Variants in EHBP1 observed in about 807,000 individuals in gnomAD.
EHBP1 encodes EH domain binding protein 1.
EHBP1 carries 55 observed loss-of-function variants against 144.0 expected under a neutral mutation model. The observed-to-expected ratio is 0.38, with a 90% CI of 0.31 to 0.48. The LOEUF (loss-of-function observed/expected upper bound fraction) is 0.48, where lower values mean the gene tolerates loss of function less well. EHBP1 is among the 20% of genes least tolerant of loss of function. EHBP1 has a pLI of 0.98. For synonymous variants in EHBP1, 469 were observed against 472.7 expected (o/e 0.99, Z 0.10); for missense variants, 1,200 against 1,364.2 (o/e 0.88, Z 1.90).
chr2:62,879,425 C>T (rs1442358218), intron 10 of EHBP1, among the ~76,000 whole-genome samples: 3 of 152,046 alleles, frequency 2.0e-5, no homozygotes, highest in African/African-American at 7.2e-5. Flanking sequence ...CAATAAAAAG[C>T]TTCAGTAAGG....
intron 10 of EHBP1, among the ~76,000 whole-genome samples, chr2:62,900,684 GTATA>G (rs147278087): frequency 7.1e-6 from 1 of 141,478 alleles, no homozygotes. Context: ...GTGTGTATGT[GTATA>G]TATATATATA....
chr2:62,690,593 T>G (rs143158965), intron 1 of EHBP1, among the ~76,000 whole-genome samples: 46 of 152,058 alleles, frequency 3.0e-4, no homozygotes, highest in African/African-American at 9.6e-4. Context: ...TAAAAAAAAT[T>G]GTTATACAAG....
At chr2:62,758,355 C>T (rs767609372) in intron 3 of EHBP1, among the ~76,000 whole-genome samples, 19 of 152,222 alleles carry the variant, frequency 1.2e-4, no homozygotes, top group African/African-American at 4.8e-5. Flanking sequence ...ATGAGCCGCC[C>T]GCCTCAGCCT....
chr2:62,889,401 A>G (rs1352286082), intron 10 of EHBP1, among the ~76,000 whole-genome samples: 2 of 152,016 alleles, frequency 1.3e-5, no homozygotes, highest in Non-Finnish European at 2.9e-5. Context: ...TCTTCAGTTT[A>G]ATTAAATCCC....
At chr2:63,025,565 A>G (rs2060940226) in intron 19 of EHBP1, among the ~76,000 whole-genome samples, 1 of 152,200 alleles carries the variant, frequency 6.6e-6, no homozygotes, top group South Asian at 2.1e-4. Context: ...CCCTTTTTAA[A>G]TGGGCTGTAG....
At chr2:62,853,656 A>G (rs924353357) in intron 7 of EHBP1, among the ~76,000 whole-genome samples, 2 of 152,244 alleles carry the variant, frequency 1.3e-5, no homozygotes, top group African/African-American at 4.8e-5. Context: ...TTGACTGCCC[A>G]GATCATTAGA....
At chr2:62,751,074 G>A (rs1232509307) in intron 3 of EHBP1, among the ~76,000 whole-genome samples, 1 of 152,170 alleles carries the variant, frequency 6.6e-6, no homozygotes, top group Non-Finnish European at 1.5e-5. Context: ...TTTTGAAAGG[G>A]AATGCTTCCA....
chr2:62,960,289 TACA>T (rs923224053), intron 14 of EHBP1, among the ~76,000 whole-genome samples: 6 of 152,116 alleles, frequency 3.9e-5, no homozygotes, highest in Non-Finnish European at 8.8e-5. Flanking sequence ...TTTTTCATTC[TACA>T]GTCCAGTTAT....
At position 63,045,644 on chromosome 2, in the gene EHBP1, C is replaced by G. The variant is rs564533625; in HGVS notation, c.*144C>G. 7.6e-4 allele frequency: 478 copies of G among 626,614 alleles called. 3 individuals carry two copies. The highest frequency in any genetic ancestry group is 6.4e-5 in the Non-Finnish European group (23 of 358,182). 38.8% of individuals were successfully genotyped at this position (626,614 alleles called of 1,614,324 possible). A position where few individuals can be genotyped will look rare whatever the true frequency, so the allele number is the denominator to read the frequency against. On this transcript the variant is annotated 3_prime_UTR_variant, in exon 23 of 23. Coordinates refer to ENST00000431489, the MANE Select transcript of EHBP1 (RefSeq NM_001142616.3). This position sits in a 1 kb window ranked among gnomAD's most constrained non-coding sequence, Gnocchi z 5.7. ...TTTACCTCTACTTTACCACCACCAC[C>G]CTTTTCCTCCCTCCTTTCCAAATAA...
rs141075556 is a variant in EHBP1 at position 62,934,254 on chromosome 2, A to G, written c.1186-8464A>G. Among the ~76,000 whole-genome samples, 1,288 of 152,286 alleles carry G rather than the reference A, an allele frequency of 8.5e-3. 10 individuals carry two copies. The highest frequency in any genetic ancestry group is 0.014 in the Middle Eastern group (4 of 294). On this transcript the variant is annotated intron_variant, in intron 10 of 22. Transcript: ENST00000431489. Reference sequence around the variant, plus strand: ...ACTAAAATTTAATCTCAATTAAGAGACTTCTTAAAATTTCGGCCTTTCTGG... The same window carrying G: ...ACTAAAATTTAATCTCAATTAAGAGGCTTCTTAAAATTTCGGCCTTTCTGG...
At chr2:62,744,288 TCTTGA>T in intron 2 of EHBP1, among the ~76,000 whole-genome samples, 1 of 152,284 alleles carries the variant, frequency 6.6e-6, no homozygotes, top group South Asian at 2.1e-4. Flanking sequence ...TATCAGGTTT[TCTTGA>T]CTTTTTTTAT....
chr2:62,990,609 CTTTCT>C, intron 15 of EHBP1, 102 bp from the exon 16 acceptor site: 1 of 1,208,596 alleles, frequency 8.3e-7, no homozygotes, highest in Non-Finnish European at 1.2e-6. Context: ...TCCTTTTCTT[CTTTCT>C]TTTAAAATAT....
intron 6 of EHBP1, among the ~76,000 whole-genome samples, chr2:62,830,428 C>T (rs72888969): frequency 0.035 from 5,344 of 152,066 alleles, 339 homozygotes; most frequent in African/African-American, 0.12. Context: ...CCACCATGCC[C>T]GGCACATATA....
intron 10 of EHBP1, among the ~76,000 whole-genome samples, chr2:62,919,056 A>T (rs553650183): frequency 1.3e-5 from 2 of 152,314 alleles, no homozygotes; most frequent in Admixed American, 1.3e-4. Context: ...GCAGGCAGTC[A>T]TGTAGGTGTT....
intron 9 of EHBP1, among the ~76,000 whole-genome samples, chr2:62,873,318 C>G (rs1439682556): frequency 6.6e-6 from 1 of 151,990 alleles, no homozygotes; most frequent in East Asian, 1.9e-4. Flanking sequence ...AGGTACCATA[C>G]ACACAGATAT....
intron 5 of EHBP1, among the ~76,000 whole-genome samples, chr2:62,799,128 A>G (rs971528831): frequency 5.9e-5 from 9 of 151,876 alleles, no homozygotes; most frequent in Admixed American, 5.2e-4. Context: ...GGAAAGATGT[A>G]TGGTTAGAGT....
rs753347933 is a variant in EHBP1, at chr2:63,038,773, T to C, written c.3234T>C (p.Tyr1078=). The change falls in exon 21 of 23, where the codon TAT becomes TAC. Residue 1078 remains tyrosine, a synonymous_variant. Coordinates refer to ENST00000431489, the MANE Select transcript of EHBP1 (RefSeq NM_001142616.3). ...LEKEHDLERR[Y]ELLNRELRAM... The stretch of plus-strand genomic sequence containing the variant: ...AAGAACATGATTTAGAACGACGGTA[T>C]GAGCTGCTGAACCGGGAATTGAGGG... 1 of 1,612,502 alleles carries C rather than the reference T, an allele frequency of 6.2e-7. No homozygotes were observed. Among genetic ancestry groups the C allele is most frequent in the South Asian group, 1.1e-5 (1 of 91,028 alleles).
intron 14 of EHBP1, among the ~76,000 whole-genome samples, chr2:62,962,331 A>C (rs1207375538): frequency 6.6e-6 from 1 of 152,214 alleles, no homozygotes; most frequent in African/African-American, 2.4e-5. Flanking sequence ...AAAAATAATA[A>C]AATAAAAATA....
chr2:62,733,175 G>T (rs908450081), intron 2 of EHBP1, among the ~76,000 whole-genome samples: 2 of 152,184 alleles, frequency 1.3e-5, no homozygotes, highest in African/African-American at 4.8e-5. Context: ...TGGAAATGAT[G>T]TACTGGGTAT....
Sources: gnomAD v4.1 joint callset for allele counts (sites outside exome capture counted in the v4.1 genomes callset) on GRCh38, gnomAD v4.1.1 for gene constraint, Gnocchi (gnomAD v3.1) non-coding constraint, MANE v1.5 for transcripts, NCBI Gene and HGNC (gene_info 2026-07-23, HGNC 2026-07-21) for gene names.